Variants in SLF1 observed in about 807,000 individuals in gnomAD.
SLF1 encodes the protein SMC5/6 complex localization factor 1.
SLF1 carries 105 observed loss-of-function variants against 123.0 expected under a neutral mutation model. The observed-to-expected ratio is 0.85, with a 90% CI of 0.73 to 1.00. The LOEUF (loss-of-function observed/expected upper bound fraction) is 1.00, where lower values mean the gene tolerates loss of function less well. SLF1 is among the 50% of genes least tolerant of loss of function. The pLI is 0.00. For missense variants in SLF1, 1,239 were observed against 1,223.0 expected, an observed-to-expected ratio of 1.01 and a Z score of -0.20; for synonymous variants, 434 against 406.6, an observed-to-expected ratio of 1.07 and a Z score of -0.81.
In SLF1 at chr5:94,670,942, C is replaced by T. The variant is rs1199197705; in HGVS notation, c.1761C>T (p.Thr587=). The T allele has an allele frequency of 1.9e-6, 3 of 1,549,472 alleles. No homozygotes were observed. Among genetic ancestry groups the T allele is most frequent in the Non-Finnish European group, 2.6e-6 (3 of 1,145,574 alleles). ...WSGSETSGLL[T]KPVNMLLEWT... ...GAAGTGAAACCTCTGGGCTTTTGACCAAACCAGTAAATATGCTTTTGGAAT... is the reference window on the plus strand; with the variant it reads ...GAAGTGAAACCTCTGGGCTTTTGACTAAACCAGTAAATATGCTTTTGGAAT... Residue 587 remains threonine (T), a synonymous_variant, in exon 14 of 21, where the codon ACC becomes ACT. Transcript: ENST00000265140.
At chr5:94,645,856 CTG>C (rs1375437402) in intron 5 of SLF1, among the ~76,000 whole-genome samples, 1 of 152,208 alleles carries the variant, frequency 6.6e-6, no homozygotes, top group African/African-American at 2.4e-5. Context: ...AGAAAGTTAA[CTG>C]TATTTCAGTG....
chr5:94,643,453 T>G lies in SLF1; in HGVS notation c.594+18T>G. The G allele has an allele frequency of 7.3e-7, 1 of 1,377,424 alleles. No individual in the cohort carries two copies. The highest frequency in any genetic ancestry group is 9.6e-7 in the Non-Finnish European group (1 of 1,036,430). 85.3% of individuals were successfully genotyped at this position (1,377,424 alleles called of 1,614,324 possible). A position where few individuals can be genotyped will look rare whatever the true frequency, so the allele number is the denominator to read the frequency against. ...TTTTAGAGGTAAGTAAAATAAATAG[T>G]AAACATTTTATTTTGTTTCATGTGT... On this transcript the variant is annotated intron_variant, in intron 5 of 20. Coordinates refer to ENST00000265140, the MANE Select transcript of SLF1 (RefSeq NM_032290.4).
chr5:94,636,710 A>ATTTTT lies in SLF1; in HGVS notation c.431+5988_431+5992dup, dbSNP rs140191160. On this transcript the variant is annotated intron_variant, in intron 4 of 20. Coordinates refer to ENST00000265140, the MANE Select transcript of SLF1 (RefSeq NM_032290.4). ...ATCTGTATGTTCTTGTATTTTACTG[A>ATTTTT]TTTTTTTTTTTTTTTTTTTTTTTTT... 1.5e-3 allele frequency among the ~76,000 whole-genome samples: 116 copies of ATTTTT among 75,482 alleles called. 1 individual carries two copies. Among genetic ancestry groups the ATTTTT allele is most frequent in the Admixed American group, 2.3e-3 (13 of 5,728 alleles). The allele number at this position is 75,482 out of a possible 152,430, so 49.5% of individuals were successfully genotyped here. A position where few individuals can be genotyped will look rare whatever the true frequency, so the allele number is the denominator to read the frequency against.
At chr5:94,681,160 T>C (rs1289841075) in intron 15 of SLF1, among the ~76,000 whole-genome samples, 1 of 152,134 alleles carries the variant, frequency 6.6e-6, no homozygotes. Flanking sequence ...GACAGAGTCT[T>C]ACTCTGTCCC....
intron 8 of SLF1, 97 bp downstream of exon 8, chr5:94,653,518 T>C: frequency 1.8e-6 from 2 of 1,105,426 alleles, no homozygotes. Context: ...TAAGAAAAAA[T>C]CTTGAGTCAA....
chr5:94,635,581 A>T (rs1745679535), intron 4 of SLF1, among the ~76,000 whole-genome samples: 1 of 150,712 alleles, frequency 6.6e-6, no homozygotes, highest in African/African-American at 2.4e-5. Context: ...CCTTCTACTT[A>T]TGTTTTGTGT....
chr5:94,649,109 T>C (rs1242250621), intron 5 of SLF1, among the ~76,000 whole-genome samples: 1 of 152,206 alleles, frequency 6.6e-6, no homozygotes, highest in African/African-American at 2.4e-5. Flanking sequence ...AGTCTGTCTA[T>C]AATTGATGAT....
intron 4 of SLF1, among the ~76,000 whole-genome samples, chr5:94,639,897 T>C (rs72773524): frequency 0.15 from 22,567 of 152,150 alleles, 1,871 homozygotes; most frequent in East Asian, 0.32. Context: ...TGTGTAACTT[T>C]TGTGGACCTG....
At position 94,648,993 on chromosome 5, in the gene SLF1, A is replaced by G. The variant is rs937159706; in HGVS notation, c.595-461A>G. On this transcript the variant is annotated intron_variant, in intron 5 of 20. Transcript: ENST00000265140. ...AGCTACATTAAGATAATTGTTGTTT[A>G]TTGCTATTCAAGTAAGAGTATTGTG... 3.3e-5 allele frequency among the ~76,000 whole-genome samples: 5 copies of G among 152,186 alleles called. 1 individual carries two copies. The highest frequency in any genetic ancestry group is 2.0e-4 in the Admixed American group (3 of 15,278).
At chr5:94,641,647 A>G (rs145923262) in intron 4 of SLF1, among the ~76,000 whole-genome samples, 1 of 152,230 alleles carries the variant, frequency 6.6e-6, no homozygotes, top group East Asian at 1.9e-4. Context: ...TCCTTAAACT[A>G]CTAGGTCATA....
At chr5:94,655,563 T>G (rs1473808203) in intron 9 of SLF1, among the ~76,000 whole-genome samples, 1 of 152,188 alleles carries the variant, frequency 6.6e-6, no homozygotes, top group Non-Finnish European at 1.5e-5. Context: ...TTAACCATAT[T>G]CTTCAAACTC....
intron 1 of SLF1, among the ~76,000 whole-genome samples, chr5:94,625,622 A>G (rs1163212586): frequency 2.0e-5 from 3 of 152,016 alleles, no homozygotes; most frequent in Non-Finnish European, 4.4e-5. Flanking sequence ...ACCTCAGGTG[A>G]TCCACCCACC....
intron 5 of SLF1, among the ~76,000 whole-genome samples, chr5:94,644,546 T>G (rs907328175): frequency 1.3e-5 from 2 of 152,190 alleles, no homozygotes; most frequent in Admixed American, 1.3e-4. Context: ...TCCCAGTGTC[T>G]TAAATAAGCT....
intron 16 of SLF1, among the ~76,000 whole-genome samples, chr5:94,687,399 C>A (rs928041628): frequency 2.0e-5 from 3 of 152,100 alleles, no homozygotes; most frequent in African/African-American, 7.2e-5. Context: ...AGGTAATCAC[C>A]AAATAGAAAT....
chr5:94,692,805 G>A (rs1370502575), intron 20 of SLF1, among the ~76,000 whole-genome samples: 1 of 152,078 alleles, frequency 6.6e-6, no homozygotes, highest in Admixed American at 6.6e-5. Context: ...GTTATGCAGG[G>A]GTTTTGTGAA....
chr5:94,625,453 G>T (rs924931945), intron 1 of SLF1, among the ~76,000 whole-genome samples: 2 of 151,068 alleles, frequency 1.3e-5, no homozygotes, highest in Non-Finnish European at 3.0e-5. Flanking sequence ...GTGTGGTCTC[G>T]GCTCACTGCA....
At chr5:94,623,029 C>G (rs1464848882) in intron 1 of SLF1, among the ~76,000 whole-genome samples, 1 of 152,060 alleles carries the variant, frequency 6.6e-6, no homozygotes, top group African/African-American at 2.4e-5. Context: ...CTTTCCTTGT[C>G]TCTGAGCTCA....
In SLF1 at chr5:94,623,493, C is replaced by T. The variant is rs557832811; in HGVS notation, c.-1+4728C>T. ...GCTCTCTTTTTTGCTTTTTTTTTCC[C>T]TCCTTTTTTTTGGTGTTAAGATAGT... On this transcript the variant is annotated intron_variant, in intron 1 of 20. Transcript: ENST00000265140. Among the ~76,000 whole-genome samples, 7 of 151,266 alleles carry T rather than the reference C, an allele frequency of 4.6e-5. No homozygotes were observed. In the South Asian group the frequency reaches 1.5e-3, roughly 32 times the overall value.
intron 14 of SLF1, chr5:94,678,420 A>G (rs1751345908): frequency 6.4e-6 from 1 of 155,896 alleles, no homozygotes; most frequent in African/African-American, 2.4e-5. Flanking sequence ...CTGTATATAA[A>G]CAGTGGAGGT....
Sources: gnomAD v4.1 joint callset for allele counts (sites outside exome capture counted in the v4.1 genomes callset) on GRCh38, gnomAD v4.1.1 for gene constraint, MANE v1.5 for transcripts, NCBI Gene and HGNC (gene_info 2026-07-23, HGNC 2026-07-21) for gene names.